Variants in TNRC18 observed in about 807,000 individuals in gnomAD.
TNRC18 encodes the protein trinucleotide repeat containing 18, also known as trinucleotide repeat-containing gene 18 protein.
A neutral mutation model predicts 226.7 loss-of-function variants in TNRC18; 69 were observed. That is an observed-to-expected ratio of 0.30 (90% CI 0.25 to 0.37). The LOEUF (loss-of-function observed/expected upper bound fraction) is 0.37, where lower values mean the gene tolerates loss of function less well. TNRC18 is among the 10% of genes least tolerant of loss of function. The probability of loss-of-function intolerance (pLI) is 1.00; values close to 1 mark genes in which losing one functional copy is unlikely to be tolerated. For synonymous variants in TNRC18, 2,449 were observed against 1,927.6 expected (o/e 1.27, Z -7.09); for missense variants, 4,754 against 4,256.6 (o/e 1.12, Z -3.25).
chr7:5,356,083 G>C (rs1792338117), intron 16 of TNRC18, among the ~76,000 whole-genome samples: 1 of 151,212 alleles, frequency 6.6e-6, no homozygotes, highest in Non-Finnish European at 1.5e-5. Context: ...GGAATCGCTT[G>C]AACCCAGGAG....
chr7:5,371,633 C>G (rs1794167093), intron 10 of TNRC18, among the ~76,000 whole-genome samples: 1 of 152,216 alleles, frequency 6.6e-6, no homozygotes, highest in African/African-American at 2.4e-5. Context: ...TCCTTTCCCA[C>G]TCAGCACCCA....
intron 2 of TNRC18, among the ~76,000 whole-genome samples, chr7:5,417,626 G>A (rs983755655): frequency 4.6e-5 from 7 of 152,190 alleles, no homozygotes; most frequent in African/African-American, 1.4e-4. Flanking sequence ...TGCCTGGCAC[G>A]CAGGAAGCAC....
intron 21 of TNRC18, among the ~76,000 whole-genome samples, chr7:5,323,692 C>T (rs1321454300): frequency 7.2e-5 from 11 of 151,946 alleles, no homozygotes; most frequent in Admixed American, 5.2e-4. Context: ...CCCAGCCTCC[C>T]GGGTAGCTGG....
chr7:5,389,034 G>A lies in TNRC18; in HGVS notation c.790C>T (p.Pro264Ser). The A allele has an allele frequency of 3.1e-6, 4 of 1,306,006 alleles. No homozygotes were observed. Among genetic ancestry groups the A allele is most frequent in the Non-Finnish European group, 3.9e-6 (4 of 1,017,816 alleles). The allele number at this position is 1,306,006 out of a possible 1,614,324, so 80.9% of individuals were successfully genotyped here. A position where few individuals can be genotyped will look rare whatever the true frequency, so the allele number is the denominator to read the frequency against. The change falls in exon 5 of 30, where the codon CCC (proline) becomes TCC (serine). Residue 264 changes from proline to serine, a missense_variant. By Grantham distance (74) the Pro-to-Ser change is moderately conservative. Transcript: ENST00000430969. Reference sequence around the variant, plus strand: ...TTGGTCTTGGACTCAGCCAGGAAGGGCGACAGGCGCTCAGCCAGGCGCGGG... The same window carrying A: ...TTGGTCTTGGACTCAGCCAGGAAGGACGACAGGCGCTCAGCCAGGCGCGGG... ...GPPRLAERLS[P>S]FLAESKTKNA... is the part of the protein sequence containing the mutation.
At chr7:5,395,651 C>T (rs767109776) in intron 2 of TNRC18, among the ~76,000 whole-genome samples, 3 of 152,224 alleles carry the variant, frequency 2.0e-5, no homozygotes, top group Non-Finnish European at 4.4e-5. Flanking sequence ...ATAAACATGC[C>T]TCCCTTCGGG....
At position 5,338,926 on chromosome 7, in the gene TNRC18, G is replaced by GAA. The variant is rs778716584; in HGVS notation, c.5720-5879_5720-5878dup. Among the ~76,000 whole-genome samples, 181 of 64,288 alleles carry GAA rather than the reference G, an allele frequency of 2.8e-3. 1 individual carries two copies. The highest frequency in any genetic ancestry group is 5.9e-3 in the African/African-American group (117 of 19,712). The allele number at this position is 64,288 out of a possible 152,430, so 42.2% of individuals were successfully genotyped here. On this transcript the variant is annotated intron_variant, in intron 18 of 29. Coordinates refer to ENST00000430969, the MANE Select transcript of TNRC18 (RefSeq NM_001080495.3). ...TGAGAGCGAAACTCCATCTCAAAAGGAAAAAAAAAAAAAAAAAAAAAGGCA... is the reference window on the plus strand; with the variant it reads ...TGAGAGCGAAACTCCATCTCAAAAGGAAAAAAAAAAAAAAAAAAAAAAAGGCA...
At chr7:5,322,432 G>A (rs62443167) in intron 21 of TNRC18, among the ~76,000 whole-genome samples, 32,540 of 151,988 alleles carry the variant, frequency 0.21, 4,586 homozygotes, top group East Asian at 0.77. Context: ...CTGAGTAGCT[G>A]GGACTATAGG....
At chr7:5,354,705 G>A (rs1176150156) in intron 16 of TNRC18, among the ~76,000 whole-genome samples, 1 of 152,082 alleles carries the variant, frequency 6.6e-6, no homozygotes, top group East Asian at 1.9e-4. Flanking sequence ...CAGGGAGCAT[G>A]AGTCCTGGTG....
At chr7:5,415,571 C>T (rs1192797698) in intron 2 of TNRC18, among the ~76,000 whole-genome samples, 1 of 150,910 alleles carries the variant, frequency 6.6e-6, no homozygotes, top group African/African-American at 2.4e-5. Context: ...AGTAGAGATG[C>T]TGTTTCGCCA....
rs4236385 is a variant in TNRC18 at position 5,316,310 on chromosome 7, G to A, written c.6746-238C>T. Among the ~76,000 whole-genome samples, 87,257 of 131,486 alleles carry A rather than the reference G, an allele frequency of 0.66. 29,740 individuals carry two copies. The highest frequency in any genetic ancestry group is 0.87 in the East Asian group (3,904 of 4,462). 86.3% of individuals were successfully genotyped at this position (131,486 alleles called of 152,430 possible). A position where few individuals can be genotyped will look rare whatever the true frequency, so the allele number is the denominator to read the frequency against. On this transcript the variant is annotated intron_variant, in intron 24 of 29. Transcript: ENST00000430969. ...TTTTTTTTTTTTGAGACAGAGTTTC[G>A]CTGTCGATGCCCAGGCTGGAGTGCA...
intron 8 of TNRC18, 46 bp downstream of exon 8, chr7:5,376,801 G>C: frequency 6.3e-7 from 1 of 1,590,438 alleles, no homozygotes; most frequent in East Asian, 2.3e-5. Context: ...ATCTCGCTGG[G>C]CATGGCCAGT....
intron 10 of TNRC18, 60 bp downstream of exon 10, chr7:5,373,995 T>C (rs1268871417): frequency 3.9e-6 from 5 of 1,298,238 alleles, no homozygotes; most frequent in Non-Finnish European, 5.1e-6. Context: ...AAAAGATGGA[T>C]GAGCAGTTTT....
rs546293498 is a variant in TNRC18, at chr7:5,335,501, A to G, written c.5720-2452T>C. Among the ~76,000 whole-genome samples, 512 of 151,210 alleles carry G rather than the reference A, an allele frequency of 3.4e-3. 3 individuals carry two copies. Among genetic ancestry groups the G allele is most frequent in the Non-Finnish European group, 4.3e-3 (293 of 67,810 alleles). On this transcript the variant is annotated intron_variant, in intron 18 of 29. Coordinates refer to ENST00000430969, the MANE Select transcript of TNRC18 (RefSeq NM_001080495.3). ...TGGGCACTGTAGTCCCAGCTACTCA[A>G]GAGGCTGAGGCAGGAAATTGCCTGA...
At chr7:5,360,023 C>T (rs1792869303) in intron 14 of TNRC18, among the ~76,000 whole-genome samples, 1 of 151,748 alleles carries the variant, frequency 6.6e-6, no homozygotes, top group African/African-American at 2.4e-5. Flanking sequence ...ACTTGCTGGT[C>T]TCTGGAATCC....
chr7:5,367,436 T>G (rs933211505), intron 11 of TNRC18, among the ~76,000 whole-genome samples: 9 of 150,950 alleles, frequency 6.0e-5, no homozygotes, highest in African/African-American at 9.7e-5. Context: ...TGTTTTTTGT[T>G]TTTTTTTTGA....
chr7:5,337,940 G>A (rs58230749), intron 18 of TNRC18, among the ~76,000 whole-genome samples: 2 of 151,658 alleles, frequency 1.3e-5, no homozygotes, highest in Admixed American at 6.6e-5. Flanking sequence ...CCAAGATCAC[G>A]CCACTGCACT....
chr7:5,358,729 G>A (rs957749571), intron 15 of TNRC18, among the ~76,000 whole-genome samples: 14 of 152,158 alleles, frequency 9.2e-5, no homozygotes, highest in Admixed American at 2.0e-4. Flanking sequence ...CAGGAGAATC[G>A]CTTGAACCTG....
At chr7:5,372,850 C>G (rs891180210) in intron 10 of TNRC18, among the ~76,000 whole-genome samples, 4 of 152,104 alleles carry the variant, frequency 2.6e-5, no homozygotes, top group Non-Finnish European at 5.9e-5. Context: ...AAGCAAGACA[C>G]ATCTGTACAA....
intron 16 of TNRC18, among the ~76,000 whole-genome samples, chr7:5,353,774 G>C (rs1792078166): frequency 6.6e-6 from 1 of 152,110 alleles, no homozygotes; most frequent in Non-Finnish European, 1.5e-5. Flanking sequence ...GCGCTCTGCA[G>C]AGCCAGGTGA....
Sources: allele counts gnomAD v4.1 joint callset (sites outside exome capture counted in the v4.1 genomes callset), GRCh38; gene constraint gnomAD v4.1.1; transcripts MANE v1.5; gene names NCBI Gene and HGNC (gene_info 2026-07-23, HGNC 2026-07-21).